The following PEX5L variants were observed in gnomAD, a reference collection of about 807,000 sequenced individuals.
PEX5L encodes PEX5-related protein.
Under a neutral mutation model 84.0 loss-of-function variants are expected in PEX5L, and 30 were observed. The observed-to-expected ratio is 0.36, with a 90% CI of 0.27 to 0.48. The LOEUF (loss-of-function observed/expected upper bound fraction) is 0.48. Among genes scored for constraint, PEX5L ranks in the 20% least tolerant of loss-of-function variants. PEX5L has a pLI of 0.99. For synonymous variants in PEX5L, 270 were observed against 283.1 expected, an observed-to-expected ratio of 0.95 and a Z score of 0.46; for missense variants, 533 against 754.6, an observed-to-expected ratio of 0.71 and a Z score of 3.44.
intron 8 of PEX5L, among the ~76,000 whole-genome samples, chr3:179,822,209 T>C (rs535290339): frequency 1.3e-5 from 2 of 152,372 alleles, no homozygotes; most frequent in East Asian, 3.9e-4. Context: ...CTGCATATAC[T>C]TTCCAAGGCA....
intron 1 of PEX5L, among the ~76,000 whole-genome samples, chr3:179,991,471 G>C (rs1451007455): frequency 6.6e-6 from 1 of 152,104 alleles, no homozygotes; most frequent in Non-Finnish European, 1.5e-5. Flanking sequence ...AGGATGACCT[G>C]GCTGCTTTCC....
At chr3:179,839,399 C>T (rs1020300917) in intron 8 of PEX5L, among the ~76,000 whole-genome samples, 3 of 152,162 alleles carry the variant, frequency 2.0e-5, no homozygotes, top group South Asian at 2.1e-4. Flanking sequence ...AGACCCACTT[C>T]GCAGTCAGGC....
intron 1 of PEX5L, among the ~76,000 whole-genome samples, chr3:179,998,952 A>G (rs1316265851): frequency 1.3e-5 from 2 of 152,200 alleles, no homozygotes; most frequent in South Asian, 2.1e-4. Flanking sequence ...GCACCACCCA[A>G]AAGTGGACAG....
intron 2 of PEX5L, among the ~76,000 whole-genome samples, chr3:179,916,206 T>C (rs1194268985): frequency 6.6e-6 from 1 of 152,134 alleles, no homozygotes; most frequent in Non-Finnish European, 1.5e-5. Context: ...ATTAAACAAT[T>C]TGATTGTCGT....
intron 8 of PEX5L, among the ~76,000 whole-genome samples, chr3:179,830,375 G>A (rs1282406932): frequency 6.8e-6 from 1 of 146,506 alleles, no homozygotes; most frequent in Non-Finnish European, 1.5e-5. Flanking sequence ...TATCTTACGA[G>A]GCTATTGGGT....
chr3:179,911,384 A>G (rs1765120773), intron 2 of PEX5L, among the ~76,000 whole-genome samples: 1 of 152,154 alleles, frequency 6.6e-6, no homozygotes, highest in Non-Finnish European at 1.5e-5. Context: ...TGAGACTCAG[A>G]AACAATAATA....
chr3:179,966,767 A>G (rs1348666897), intron 2 of PEX5L, among the ~76,000 whole-genome samples: 1 of 152,188 alleles, frequency 6.6e-6, no homozygotes, highest in East Asian at 1.9e-4. Context: ...TTTTCTTTAG[A>G]AAAAGATCAC....
chr3:180,005,323 C>G (rs1788783640), intron 1 of PEX5L, among the ~76,000 whole-genome samples: 1 of 151,962 alleles, frequency 6.6e-6, no homozygotes, highest in Admixed American at 6.6e-5. Context: ...TACAGTGGTA[C>G]AATCATATCT....
At chr3:179,913,235 A>C (rs1765802751) in intron 2 of PEX5L, among the ~76,000 whole-genome samples, 1 of 152,144 alleles carries the variant, frequency 6.6e-6, no homozygotes, top group African/African-American at 2.4e-5. Flanking sequence ...ATTTTCTCAG[A>C]ATGTTGCCAC....
intron 1 of PEX5L, among the ~76,000 whole-genome samples, chr3:180,025,770 T>C (rs1790893304): frequency 6.6e-6 from 1 of 152,242 alleles, no homozygotes; most frequent in Non-Finnish European, 1.5e-5. Context: ...GTGGCTAAAC[T>C]CTTTATTCCA....
intron 1 of PEX5L, among the ~76,000 whole-genome samples, chr3:179,978,477 A>G (rs1786017848): frequency 6.6e-6 from 1 of 152,184 alleles, no homozygotes; most frequent in Non-Finnish European, 1.5e-5. Context: ...AATAATTTTT[A>G]CAGAGAGACC....
At chr3:180,030,503 A>G (rs1330264252) in intron 1 of PEX5L, among the ~76,000 whole-genome samples, 1 of 152,222 alleles carries the variant, frequency 6.6e-6, no homozygotes, top group African/African-American at 2.4e-5. Context: ...AAATACTTAT[A>G]TAGAGTCATC....
At chr3:179,900,552 A>G (rs1399341189) in intron 2 of PEX5L, 4 of 705,586 alleles carry the variant, frequency 5.7e-6, no homozygotes, top group African/African-American at 5.4e-5. Context: ...AAACAAAAAC[A>G]AAAACAAAAC....
chr3:179,973,012 A>G (rs1454807462), intron 1 of PEX5L: 2 of 281,702 alleles, frequency 7.1e-6, no homozygotes, highest in Non-Finnish European at 6.7e-6. Flanking sequence ...CAAAAAGAAC[A>G]AGGTTGGTTT....
chr3:179,896,200 C>T (rs2108958251), intron 3 of PEX5L: 1 of 152,128 alleles, frequency 6.6e-6, no homozygotes, highest in East Asian at 1.9e-4. Flanking sequence ...ACTAATAAAA[C>T]TGCATTTGAC....
At chr3:179,931,049 C>A (rs191627671) in intron 2 of PEX5L, among the ~76,000 whole-genome samples, 68 of 152,216 alleles carry the variant, frequency 4.5e-4, no homozygotes, top group African/African-American at 1.6e-3. Context: ...AATTAAAAAA[C>A]ACACACACAT....
chr3:179,795,387 GTAAAT>G lies in PEX5L; in HGVS notation c.*6436_*6440del, dbSNP rs1337993719. ...GTTACGCAAATTAGAAGCCAACTGAGTAAATTAAACACATCAATATGATAAGAGGT... is the reference window on the plus strand; with the variant it reads ...GTTACGCAAATTAGAAGCCAACTGAGTAAACACATCAATATGATAAGAGGT... On this transcript the variant is annotated 3_prime_UTR_variant, in exon 15 of 15. Transcript: ENST00000467460. The G allele has an allele frequency of 4.0e-5, 6 of 150,520 alleles. No homozygotes were observed. The highest frequency in any genetic ancestry group is 1.5e-4 in the African/African-American group (6 of 41,226). 9.3% of individuals were successfully genotyped at this position (150,520 alleles called of 1,614,324 possible).
At chr3:179,934,898 C>T (rs1401468339) in intron 2 of PEX5L, among the ~76,000 whole-genome samples, 2 of 152,086 alleles carry the variant, frequency 1.3e-5, no homozygotes, top group East Asian at 3.8e-4. Context: ...TAGAGAGTCA[C>T]TGTGTTTATG....
At chr3:179,953,774 GGTGCAAA>G (rs943116670) in intron 2 of PEX5L, among the ~76,000 whole-genome samples, 1 of 152,094 alleles carries the variant, frequency 6.6e-6, no homozygotes, top group African/African-American at 2.4e-5. Flanking sequence ...CAAAAGCAAA[GGTGCAAA>G]CAGCCTCGCC....
Sources: gnomAD v4.1 joint callset for allele counts (sites outside exome capture counted in the v4.1 genomes callset) on GRCh38, gnomAD v4.1.1 for gene constraint, MANE v1.5 for transcripts, NCBI Gene and HGNC (gene_info 2026-07-23, HGNC 2026-07-21) for gene names.